CFAP20DC: variants seen among roughly 807,000 people sequenced by gnomAD.
The protein encoded by CFAP20DC is CFAP20 domain containing.
In CFAP20DC, 84 loss-of-function variants were observed where a neutral mutation model predicts 101.7. The observed-to-expected ratio is 0.83, with a 90% CI of 0.69 to 0.99. The LOEUF is 0.99. Ranked by LOEUF, CFAP20DC falls within the 50% of genes least tolerant of loss-of-function variation. The probability of loss-of-function intolerance (pLI) is 0.00; values close to 1 mark genes in which losing one functional copy is unlikely to be tolerated. For synonymous variants in CFAP20DC, 359 were observed against 351.2 expected (o/e 1.02, Z -0.25); for missense variants, 1,007 against 970.3 (o/e 1.04, Z -0.50).
chr3:58,870,272 G>C lies in CFAP20DC; in HGVS notation c.753C>G (p.Asn251Lys), dbSNP rs767778190. Residue 251 changes from asparagine (N) to lysine (K), a missense_variant, in exon 8 of 17, where the codon AAC becomes AAG. Coordinates refer to ENST00000482387, the MANE Select transcript of CFAP20DC (RefSeq NM_001394063.1). ...TATGACAAACATCTTGATTTTTACT[G>C]TTCCGTGTAATACTTGTTCCTCTGT... is the stretch of plus-strand genomic sequence containing the variant. ...FINRGTSITR[N>K]SKNQDVCHIA... 6 of 1,613,908 alleles carry C rather than the reference G, an allele frequency of 3.7e-6. No homozygotes were observed. Among genetic ancestry groups the C allele is most frequent in the Non-Finnish European group, 5.1e-6 (6 of 1,179,844 alleles).
intron 3 of CFAP20DC, among the ~76,000 whole-genome samples, chr3:58,730,888 T>C (rs981177297): frequency 2.0e-5 from 3 of 152,130 alleles, no homozygotes; most frequent in Admixed American, 6.5e-5. Flanking sequence ...TGCTAGGGGA[T>C]GTTGGGTATC....
intron 14 of CFAP20DC, among the ~76,000 whole-genome samples, chr3:58,823,262 C>T (rs183608736): frequency 1.7e-4 from 26 of 152,100 alleles, no homozygotes; most frequent in Non-Finnish European, 2.1e-4. Flanking sequence ...TTTTTCCTCC[C>T]CTACAATATG....
downstream of CFAP20DC, among the ~76,000 whole-genome samples, chr3:58,740,173 AAG>A (rs757598420): frequency 7.9e-5 from 12 of 152,086 alleles, no homozygotes; most frequent in Non-Finnish European, 1.5e-4. This position sits in a 1 kb window ranked among gnomAD's most constrained non-coding sequence, Gnocchi z 4.6. Context: ...GAGAAGAGAA[AAG>A]AGAGAAGAGA....
intron 13 of CFAP20DC, among the ~76,000 whole-genome samples, chr3:58,842,887 C>T (rs539106332): frequency 3.3e-5 from 5 of 152,190 alleles, no homozygotes; most frequent in Admixed American, 2.6e-4. Context: ...TGGGAGGCAA[C>T]CCCCAGCAGG....
chr3:58,833,649 G>T (rs1279558716), intron 13 of CFAP20DC, among the ~76,000 whole-genome samples: 1 of 152,154 alleles, frequency 6.6e-6, no homozygotes, highest in Non-Finnish European at 1.5e-5. Context: ...AGCCACTTTG[G>T]AAAACAGTTT....
chr3:59,039,785 C>T (rs1465924668), intron 3 of CFAP20DC, among the ~76,000 whole-genome samples, 156 bp from the exon 4 acceptor site: 7 of 151,720 alleles, frequency 4.6e-5, no homozygotes, highest in African/African-American at 1.5e-4. Flanking sequence ...AACCTCATTA[C>T]GAAAGCAAAA....
At chr3:58,950,583 AC>A (rs1302767408) in intron 4 of CFAP20DC, among the ~76,000 whole-genome samples, 7 of 152,226 alleles carry the variant, frequency 4.6e-5, no homozygotes, top group African/African-American at 1.7e-4. Flanking sequence ...ATGGAACAGA[AC>A]AGAACTCTCA....
intron 3 of CFAP20DC, among the ~76,000 whole-genome samples, chr3:59,045,528 G>A (rs1378080634): frequency 1.3e-5 from 2 of 152,078 alleles, no homozygotes; most frequent in African/African-American, 4.8e-5. Flanking sequence ...TTTAGTAGCA[G>A]AGCCTTGAAT....
In CFAP20DC at chr3:59,006,781, G is replaced by A. The variant is rs182366507; in HGVS notation, c.278+32776C>T. The stretch of plus-strand genomic sequence containing the variant: ...TGAATGAAGCTTCCAACTAAATTTT[G>A]TAATAGTTTCAACTGGACACAAGCT... On this transcript the variant is annotated intron_variant, in intron 4 of 16. Coordinates refer to ENST00000482387, the MANE Select transcript of CFAP20DC (RefSeq NM_001394063.1). The surrounding 1 kb of genome is among the most constrained non-coding windows in gnomAD (Gnocchi z 4.3). Among the ~76,000 whole-genome samples the A allele has an allele frequency of 7.9e-5, 12 of 152,294 alleles. No individual in the cohort carries two copies. The highest frequency in any genetic ancestry group is 2.9e-4 in the African/African-American group (12 of 41,568).
intron 15 of CFAP20DC, among the ~76,000 whole-genome samples, chr3:58,773,940 T>C (rs1212552569): frequency 1.3e-5 from 2 of 152,188 alleles, no homozygotes; most frequent in Non-Finnish European, 1.5e-5. Flanking sequence ...TTAGGAGATA[T>C]ATTTACATGA....
At chr3:59,048,392 T>C (rs923111921) in intron 1 of CFAP20DC, among the ~76,000 whole-genome samples, 1 of 152,172 alleles carries the variant, frequency 6.6e-6, no homozygotes, top group African/African-American at 2.4e-5. Flanking sequence ...GTATATGGGA[T>C]AGAATTACTA....
chr3:58,744,305 TCA>T (rs763041984), intron 16 of CFAP20DC, among the ~76,000 whole-genome samples: 3 of 152,174 alleles, frequency 2.0e-5, no homozygotes, highest in Admixed American at 6.5e-5. Context: ...GGGGACACTC[TCA>T]GTTTCCAGAG....
intron 5 of CFAP20DC, among the ~76,000 whole-genome samples, chr3:58,918,749 T>C (rs1347633890): frequency 6.6e-5 from 10 of 152,140 alleles, no homozygotes; most frequent in Non-Finnish European, 1.3e-4. Flanking sequence ...ACTGTCTGGA[T>C]TTAGGTACTA....
intron 5 of CFAP20DC, among the ~76,000 whole-genome samples, chr3:58,931,251 G>A (rs2086631701): frequency 6.6e-6 from 1 of 152,096 alleles, no homozygotes; most frequent in South Asian, 2.1e-4. Flanking sequence ...GCTTGCTTAG[G>A]TAAACAAAGC....
At chr3:58,808,121 C>T (rs1403055930) in intron 14 of CFAP20DC, among the ~76,000 whole-genome samples, 1 of 152,110 alleles carries the variant, frequency 6.6e-6, no homozygotes, top group Non-Finnish European at 1.5e-5. Flanking sequence ...GAGAATGGAA[C>T]CAAGTTGGAA....
intron 4 of CFAP20DC, among the ~76,000 whole-genome samples, chr3:58,996,439 T>C (rs2093137619): frequency 6.6e-6 from 1 of 152,226 alleles, no homozygotes. Flanking sequence ...TGTTTGTAAT[T>C]TTTAAGATAC....
rs1008724624 is a variant in CFAP20DC at position 58,937,524 on chromosome 3, G to T, written c.393+124C>A. The T allele has an allele frequency of 7.6e-6, 5 of 659,904 alleles. No individual in the cohort carries two copies. In the South Asian group the frequency reaches 8.2e-5, roughly 11 times the overall value. The allele number at this position is 659,904 out of a possible 1,614,324, so 40.9% of individuals were successfully genotyped here. ...TTCAAGAGAGGGGAAGGAAGGCCAT[G>T]AATTTTATTCATTTTTTATACCACC... is the stretch of plus-strand genomic sequence containing the variant. On this transcript the variant is annotated intron_variant, in intron 5 of 16. Transcript: ENST00000482387.
intron 13 of CFAP20DC, among the ~76,000 whole-genome samples, chr3:58,839,452 C>T (rs1465379160): frequency 6.6e-6 from 1 of 152,102 alleles, no homozygotes; most frequent in Admixed American, 6.5e-5. Flanking sequence ...ATGGGAGATA[C>T]CTCAAACCAT....
intron 4 of CFAP20DC, among the ~76,000 whole-genome samples, chr3:59,032,314 T>C (rs1056503032): frequency 6.6e-6 from 1 of 151,702 alleles, no homozygotes; most frequent in African/African-American, 2.4e-5. Context: ...TTTTTTTTCA[T>C]ATCCCAGTGG....
Sources: allele counts gnomAD v4.1 joint callset (sites outside exome capture counted in the v4.1 genomes callset), GRCh38; gene constraint gnomAD v4.1.1; non-coding constraint Gnocchi (gnomAD v3.1); transcripts MANE v1.5; gene names NCBI Gene and HGNC (gene_info 2026-07-23, HGNC 2026-07-21).